The following BASP1 variants were observed in gnomAD, a reference collection of about 807,000 sequenced individuals.
BASP1 encodes the protein brain acid soluble protein 1.
Under a neutral mutation model 2.2 loss-of-function variants are expected in BASP1, and 1 was observed. That is an observed-to-expected ratio of 0.46 (90% CI 0.16 to 2.17). The LOEUF is 2.17. Among genes scored for constraint, BASP1 ranks in the 30% most tolerant of loss-of-function variants. The pLI is 0.27. For missense variants in BASP1, 352 were observed against 327.2 expected (o/e 1.08, Z -0.58); for synonymous variants, 187 against 154.2 (o/e 1.21, Z -1.58).
At chr5:17,220,809 G>C (rs1032495256) in intron 1 of BASP1, among the ~76,000 whole-genome samples, 9 of 152,134 alleles carry the variant, frequency 5.9e-5, no homozygotes, top group African/African-American at 1.9e-4. Context: ...GATGCGTTCT[G>C]TCTCTTTATT....
intron 1 of BASP1, among the ~76,000 whole-genome samples, chr5:17,239,866 T>A (rs1236120637): frequency 6.6e-6 from 1 of 152,192 alleles, no homozygotes; most frequent in East Asian, 1.9e-4. Context: ...GGAAATTTTA[T>A]CCTGGTAGCA....
rs566100948 is a variant in BASP1, at chr5:17,233,671, G to A, written c.-10+15861G>A. On this transcript the variant is annotated intron_variant, in intron 1 of 1. Transcript: ENST00000322611. ...TACTTAGCTGGAATGACATGGTATC[G>A]ATGGTTGAGGAGCAATTTATGACAC... 8.5e-5 allele frequency among the ~76,000 whole-genome samples: 13 copies of A among 152,252 alleles called. No homozygotes were observed. In the East Asian group the frequency reaches 2.3e-3, roughly 27 times the overall value.
chr5:17,246,171 A>G (rs1408455927), intron 1 of BASP1, among the ~76,000 whole-genome samples: 1 of 152,136 alleles, frequency 6.6e-6, no homozygotes, highest in Non-Finnish European at 1.5e-5. Context: ...TCTCTTGACA[A>G]GAACCCAACA....
chr5:17,264,632 T>G (rs1579500910), intron 1 of BASP1, among the ~76,000 whole-genome samples: 1 of 152,204 alleles, frequency 6.6e-6, no homozygotes, highest in East Asian at 1.9e-4. Context: ...GGAAACAGAA[T>G]GAAAAGGAGA....
In BASP1 at chr5:17,275,772, A is replaced by G. The variant is rs773494975; in HGVS notation, c.556A>G (p.Thr186Ala). The change falls in exon 2 of 2, where the codon ACC (threonine) becomes GCC (alanine). Residue 186 changes from threonine to alanine, a missense_variant. Coordinates refer to ENST00000322611, the MANE Select transcript of BASP1 (RefSeq NM_006317.5). This position sits in a 1 kb window ranked among gnomAD's most constrained non-coding sequence, Gnocchi z 5.3. ...GGAGGCTGCCCCCTCTTCCAAGGAGACCCCCGCAGCCACGGAAGCGCCTAG... is the reference window on the plus strand; with the variant it reads ...GGAGGCTGCCCCCTCTTCCAAGGAGGCCCCCGCAGCCACGGAAGCGCCTAG... ...SSEAAPSSKE[T>A]PAATEAPSST... 1.9e-6 allele frequency: 3 copies of G among 1,612,176 alleles called. No homozygotes were observed. The highest frequency in any genetic ancestry group is 2.5e-6 in the Non-Finnish European group (3 of 1,179,496).
At position 17,251,154 on chromosome 5, in the gene BASP1, T is replaced by A. The variant is rs560184314; in HGVS notation, c.-9-24054T>A. Reference sequence around the variant, plus strand: ...CCTGATTTTATCATTACACATTGTATACAAATATCAAAATATCACATGTAC... The same window carrying A: ...CCTGATTTTATCATTACACATTGTAAACAAATATCAAAATATCACATGTAC... On this transcript the variant is annotated intron_variant, in intron 1 of 1. Transcript: ENST00000322611. This position sits in a 1 kb window ranked among gnomAD's most constrained non-coding sequence, Gnocchi z 4.0. 1.3e-5 allele frequency among the ~76,000 whole-genome samples: 2 copies of A among 152,310 alleles called. No individual in the cohort carries two copies. Among genetic ancestry groups the A allele is most frequent in the South Asian group, 4.1e-4 (2 of 4,830 alleles).
chr5:17,220,707 T>C (rs1190690903), intron 1 of BASP1, among the ~76,000 whole-genome samples: 1 of 152,204 alleles, frequency 6.6e-6, no homozygotes, highest in Admixed American at 6.5e-5. Context: ...GGGAGAGCCC[T>C]AAACATTTAG....
rs530014450 is a variant in BASP1 at position 17,270,569 on chromosome 5, C to T, written c.-9-4639C>T. On this transcript the variant is annotated intron_variant, in intron 1 of 1. Coordinates refer to ENST00000322611, the MANE Select transcript of BASP1 (RefSeq NM_006317.5). ...AACCAGCAGGAGCATGCATGGAACA[C>T]ATATACCAAACATCTTTCTGATAAC... 7.9e-5 allele frequency among the ~76,000 whole-genome samples: 12 copies of T among 152,314 alleles called. 2 individuals are homozygous for T. In the South Asian group the frequency reaches 2.5e-3, roughly 32 times the overall value.
intron 1 of BASP1, among the ~76,000 whole-genome samples, chr5:17,249,921 G>A (rs1416203192): frequency 6.6e-6 from 1 of 151,886 alleles, no homozygotes; most frequent in Non-Finnish European, 1.5e-5. Flanking sequence ...CTATACTGAG[G>A]TACACCATTG....
At chr5:17,229,355 C>T (rs1251935579) in intron 1 of BASP1, among the ~76,000 whole-genome samples, 5 of 152,224 alleles carry the variant, frequency 3.3e-5, no homozygotes, top group South Asian at 2.1e-4. Context: ...TACTTGGGGA[C>T]GTTTGAGCAT....
chr5:17,235,537 C>T (rs1030867526), intron 1 of BASP1, among the ~76,000 whole-genome samples: 1 of 152,170 alleles, frequency 6.6e-6, no homozygotes, highest in Non-Finnish European at 1.5e-5. Flanking sequence ...GCTAGGATTA[C>T]AGGCGTGAGC....
At chr5:17,224,269 G>T (rs1399474878) in intron 1 of BASP1, among the ~76,000 whole-genome samples, 1 of 152,128 alleles carries the variant, frequency 6.6e-6, no homozygotes, top group African/African-American at 2.4e-5. Flanking sequence ...GTATCTTACG[G>T]ATTCTGGAGG....
intron 1 of BASP1, among the ~76,000 whole-genome samples, chr5:17,231,570 C>G (rs984388304): frequency 6.6e-6 from 1 of 152,134 alleles, no homozygotes; most frequent in African/African-American, 2.4e-5. Flanking sequence ...CAACAGGCTC[C>G]CAGGTCTCCC....
intron 1 of BASP1, 46 bp downstream of exon 1, chr5:17,217,856 G>A (rs1449661876): frequency 1.3e-5 from 2 of 151,880 alleles, no homozygotes; most frequent in African/African-American, 4.8e-5. Context: ...GGACCCGGGG[G>A]CCTCCGTCCC....
intron 1 of BASP1, among the ~76,000 whole-genome samples, chr5:17,233,174 A>G (rs1158822872): frequency 6.6e-6 from 1 of 152,210 alleles, no homozygotes; most frequent in Non-Finnish European, 1.5e-5. Flanking sequence ...TATTAAAACT[A>G]TAGTTGTAGT....
At chr5:17,268,003 G>A (rs298595) in intron 1 of BASP1, among the ~76,000 whole-genome samples, 124,277 of 151,816 alleles carry the variant, frequency 0.82, 51,086 homozygotes, top group African/African-American at 0.87. Context: ...ATTGAACTCT[G>A]TTGATAATAC....
chr5:17,241,435 G>A (rs1488582112), intron 1 of BASP1, among the ~76,000 whole-genome samples: 2 of 152,094 alleles, frequency 1.3e-5, no homozygotes, highest in Non-Finnish European at 2.9e-5. Context: ...CAGCTAGGTG[G>A]GGTGGATTCT....
In BASP1 at chr5:17,236,439, A is replaced by G. The variant is rs1346545542; in HGVS notation, c.-10+18629A>G. Among the ~76,000 whole-genome samples, 1 of 151,878 alleles carries G rather than the reference A, an allele frequency of 6.6e-6. No homozygotes were observed. Among genetic ancestry groups the G allele is most frequent in the African/African-American group, 2.4e-5 (1 of 41,346 alleles). On this transcript the variant is annotated intron_variant, in intron 1 of 1. Transcript: ENST00000322611. The surrounding 1 kb of genome is among the most constrained non-coding windows in gnomAD (Gnocchi z 4.0). ...CCACCATGCCTGGCTAATTTTTTGT[A>G]TTTTTAGTAGAGACGGGGTTTCGCC...
rs146952712 is a variant in BASP1, at chr5:17,252,992, C to A, written c.-9-22216C>A. ...TGCTGATAATAGGTCAATGAATGGC[C>A]ATGGCTGTGTTCCAATAAAACTTCA... On this transcript the variant is annotated intron_variant, in intron 1 of 1. Coordinates refer to ENST00000322611, the MANE Select transcript of BASP1 (RefSeq NM_006317.5). Among the ~76,000 whole-genome samples, 648 of 152,302 alleles carry A rather than the reference C, an allele frequency of 4.3e-3. 3 individuals are homozygous for A. Among genetic ancestry groups the A allele is most frequent in the African/African-American group, 0.015 (611 of 41,580 alleles).
Sources: allele counts gnomAD v4.1 joint callset (sites outside exome capture counted in the v4.1 genomes callset), GRCh38; gene constraint gnomAD v4.1.1; non-coding constraint Gnocchi (gnomAD v3.1); transcripts MANE v1.5; gene names NCBI Gene and HGNC (gene_info 2026-07-23, HGNC 2026-07-21).